Variants in MGAT5B observed in about 807,000 individuals in gnomAD.
MGAT5B encodes alpha-1,6-mannosylglycoprotein 6-beta-N-acetylglucosaminyltransferase B, also known as N-acetylglucosaminyl-transferase Vb.
Under a neutral mutation model 95.1 loss-of-function variants are expected in MGAT5B, and 54 were observed. The ratio of observed to expected loss-of-function variants is 0.57; its 90% CI spans 0.46 to 0.71. The LOEUF (loss-of-function observed/expected upper bound fraction) is 0.71. MGAT5B is among the 30% of genes least tolerant of loss of function. The probability of loss-of-function intolerance (pLI) is 0.00; values close to 1 mark genes in which losing one functional copy is unlikely to be tolerated. For missense variants in MGAT5B, 935 were observed against 1,088.6 expected (o/e 0.86, Z 1.99); for synonymous variants, 464 against 451.0 (o/e 1.03, Z -0.36).
In MGAT5B at chr17:76,905,442, T is replaced by C; in HGVS notation, c.855+109T>C. 2 of 1,010,050 alleles carry C rather than the reference T, an allele frequency of 2.0e-6. No homozygotes were observed. The highest frequency in any genetic ancestry group is 2.8e-6 in the Non-Finnish European group (2 of 716,454). 62.6% of individuals were successfully genotyped at this position (1,010,050 alleles called of 1,614,324 possible). A position where few individuals can be genotyped will look rare whatever the true frequency, so the allele number is the denominator to read the frequency against. On this transcript the variant is annotated intron_variant, in intron 7 of 17. Transcript: ENST00000569840. This position sits in a 1 kb window ranked among gnomAD's most constrained non-coding sequence, Gnocchi z 4.2. ...AACAAGCTGTAGTGGGCTTCTGAAT[T>C]TGATCAGAGGGAGAGAGGGGTAGGG...
In MGAT5B at chr17:76,943,624, G is replaced by GA. The variant is rs1567827242; in HGVS notation, c.1849-2752_1849-2751insA. On this transcript the variant is annotated intron_variant, in intron 15 of 17. Transcript: ENST00000569840. Reference sequence around the variant, plus strand: ...TATTTGAATAGAGATGGGGTGGGGTGGGGGGGGGGTCTCATTTTGTTGCCC... The same window carrying GA: ...TATTTGAATAGAGATGGGGTGGGGTGAGGGGGGGGGTCTCATTTTGTTGCCC... Among the ~76,000 whole-genome samples the GA allele has an allele frequency of 4.1e-4, 42 of 103,654 alleles. 1 individual carries two copies. Among genetic ancestry groups the GA allele is most frequent in the African/African-American group, 2.2e-3 (42 of 18,894 alleles). The allele number at this position is 103,654 out of a possible 152,430, so 68.0% of individuals were successfully genotyped here.
intron 3 of MGAT5B, among the ~76,000 whole-genome samples, chr17:76,898,735 C>T (rs1033520132): frequency 5.3e-5 from 8 of 152,158 alleles, no homozygotes; most frequent in African/African-American, 1.4e-4. Flanking sequence ...TATTTGGTTA[C>T]ATGAGTAAGT....
At chr17:76,882,589 A>G (rs1022840913) in intron 3 of MGAT5B, 9 of 347,256 alleles carry the variant, frequency 2.6e-5, no homozygotes, top group Admixed American at 2.4e-4. Flanking sequence ...AAGTTTTTCC[A>G]GTCCATTCCG....
At chr17:76,872,602 C>CTAAT in intron 1 of MGAT5B, 1 of 1,428,566 alleles carries the variant, frequency 7.0e-7, no homozygotes, top group Non-Finnish European at 9.2e-7. Flanking sequence ...TGCCTCATGC[C>CTAAT]TAAGTGTGCG....
intron 3 of MGAT5B, chr17:76,882,600 A>G (rs1967469936): frequency 3.2e-6 from 1 of 312,252 alleles, no homozygotes; most frequent in East Asian, 5.9e-5. Context: ...GTCCATTCCG[A>G]GCACATTTGC....
rs536533138 is a variant in MGAT5B at position 76,925,107 on chromosome 17, C to T, written c.1157+10C>T. ...CCTTCAAGAAGTACCGGTGAGAGGGCGGCCAGAGGGTGGGCACGTGGCCCA... is the reference window on the plus strand; with the variant it reads ...CCTTCAAGAAGTACCGGTGAGAGGGTGGCCAGAGGGTGGGCACGTGGCCCA... On this transcript the variant is annotated intron_variant, in intron 9 of 17. Coordinates refer to ENST00000569840, the MANE Select transcript of MGAT5B (RefSeq NM_001199172.2). 47 of 1,610,372 alleles carry T rather than the reference C, an allele frequency of 2.9e-5. No individual in the cohort carries two copies. Among genetic ancestry groups the T allele is most frequent in the South Asian group, 2.7e-4 (25 of 90,986 alleles).
chr17:76,910,317 A>G (rs941980004), intron 8 of MGAT5B, among the ~76,000 whole-genome samples: 2 of 152,230 alleles, frequency 1.3e-5, no homozygotes, highest in African/African-American at 4.8e-5. Context: ...AGCCTGGAAT[A>G]TGCATCGATG....
At chr17:76,904,648 G>T (rs1013707455) in intron 6 of MGAT5B, among the ~76,000 whole-genome samples, 2 of 152,264 alleles carry the variant, frequency 1.3e-5, no homozygotes, top group African/African-American at 4.8e-5. Flanking sequence ...GCAGGTGGGG[G>T]GCCTGGAGAT....
At chr17:76,874,078 G>A (rs988269089) in intron 2 of MGAT5B, among the ~76,000 whole-genome samples, 7 of 152,106 alleles carry the variant, frequency 4.6e-5, no homozygotes, top group Non-Finnish European at 7.3e-5. Flanking sequence ...CCCTCAGAAG[G>A]AATCTCACGC....
chr17:76,876,739 C>T (rs368016466), intron 2 of MGAT5B, among the ~76,000 whole-genome samples: 1 of 152,336 alleles, frequency 6.6e-6, no homozygotes, highest in East Asian at 1.9e-4. Flanking sequence ...TGACTGACAT[C>T]TCATTCTGTA....
At chr17:76,939,923 T>C (rs1432745582) in intron 13 of MGAT5B, among the ~76,000 whole-genome samples, 1 of 152,226 alleles carries the variant, frequency 6.6e-6, no homozygotes, top group Non-Finnish European at 1.5e-5. Flanking sequence ...AAGCCACCGT[T>C]AATGGGCACC....
At chr17:76,931,335 G>A (rs1332072224) in intron 10 of MGAT5B, among the ~76,000 whole-genome samples, 1 of 152,224 alleles carries the variant, frequency 6.6e-6, no homozygotes, top group African/African-American at 2.4e-5. Context: ...GACTTCAGGT[G>A]ATCCACCTGC....
rs1382293778 is a variant in MGAT5B at position 76,930,527 on chromosome 17, A to G, written c.1292-2118A>G. Among the ~76,000 whole-genome samples, 2 of 152,140 alleles carry G rather than the reference A, an allele frequency of 1.3e-5. No individual in the cohort carries two copies. Among genetic ancestry groups the G allele is most frequent in the Non-Finnish European group, 2.9e-5 (2 of 68,026 alleles). ...GGTAGATTAAATATCCTTGGACTCAATAAACGGTTTATTCGGGATCCCAGT... is the reference window on the plus strand; with the variant it reads ...GGTAGATTAAATATCCTTGGACTCAGTAAACGGTTTATTCGGGATCCCAGT... On this transcript the variant is annotated intron_variant, in intron 10 of 17. Transcript: ENST00000569840. The surrounding 1 kb of genome is among the most constrained non-coding windows in gnomAD (Gnocchi z 4.1).
chr17:76,881,018 G>T (rs1967390927), intron 2 of MGAT5B, among the ~76,000 whole-genome samples: 1 of 152,146 alleles, frequency 6.6e-6, no homozygotes, highest in South Asian at 2.1e-4. Flanking sequence ...GCTCGTTTTG[G>T]GGGAGTGATT....
Position 76,936,244 on chromosome 17 carries a change from T to C in MGAT5B, c.1429-1744T>C, listed in dbSNP as rs189799157. Among the ~76,000 whole-genome samples the C allele has an allele frequency of 8.2e-3, 1,251 of 152,188 alleles. 6 individuals are homozygous for C. Among genetic ancestry groups the C allele is most frequent in the Non-Finnish European group, 0.011 (782 of 68,008 alleles). ...TAACAAGGTGAAATCCCATCTCTACTAAAAATACAAAAGATTAGCCACGTG... is the reference window on the plus strand; with the variant it reads ...TAACAAGGTGAAATCCCATCTCTACCAAAAATACAAAAGATTAGCCACGTG... On this transcript the variant is annotated intron_variant, in intron 12 of 17. Transcript: ENST00000569840.
At chr17:76,908,811 CT>C (rs138361073) in intron 8 of MGAT5B, among the ~76,000 whole-genome samples, 358 of 140,680 alleles carry the variant, frequency 2.5e-3, no homozygotes, top group Middle Eastern at 7.2e-3. Flanking sequence ...ACTCTGCTAT[CT>C]TTTTTTTTTT....
rs776224034 is a variant in MGAT5B at position 76,938,063 on chromosome 17, C to T, written c.1504C>T (p.Pro502Ser). The change falls in exon 13 of 18, where the codon CCC (proline) becomes TCC (serine). Residue 502 changes from proline to serine, a missense_variant. Transcript: ENST00000569840. This position sits in a 1 kb window ranked among gnomAD's most constrained non-coding sequence, Gnocchi z 4.3. ...HGTVYYESQR[P>S]PEVPAFVKNH... ...CACCGTGTACTACGAGAGCCAGCGG[C>T]CCCCCGAGGTGCCAGCCTTTGTGAA... is the stretch of plus-strand genomic sequence containing the variant. 1.8e-5 allele frequency: 29 copies of T among 1,614,200 alleles called. No individual in the cohort carries two copies. The highest frequency in any genetic ancestry group is 2.5e-5 in the Non-Finnish European group (29 of 1,180,022).
rs765268262 is a variant in MGAT5B, at chr17:76,870,498, C to T, written c.68+1401C>T. ...GCCCCTTCCGACCCCATCCCTGTCCCGCCCTCCGGGCCGCTGGGTGTTTCC... is the reference window on the plus strand; with the variant it reads ...GCCCCTTCCGACCCCATCCCTGTCCTGCCCTCCGGGCCGCTGGGTGTTTCC... On this transcript the variant is annotated intron_variant, in intron 1 of 17. Coordinates refer to ENST00000569840, the MANE Select transcript of MGAT5B (RefSeq NM_001199172.2). The surrounding 1 kb of genome is among the most constrained non-coding windows in gnomAD (Gnocchi z 5.0). 1.3e-5 allele frequency among the ~76,000 whole-genome samples: 2 copies of T among 152,068 alleles called. No individual in the cohort carries two copies. The highest frequency in any genetic ancestry group is 2.1e-4 in the South Asian group (1 of 4,830).
chr17:76,924,959 C>A lies in MGAT5B; in HGVS notation c.1026-7C>A. The A allele has an allele frequency of 6.2e-7, 1 of 1,612,062 alleles. No homozygotes were observed. Among genetic ancestry groups the A allele is most frequent in the East Asian group, 2.2e-5 (1 of 44,784 alleles). On this transcript the variant is annotated splice_region_variant and splice_polypyrimidine_tract_variant and intron_variant, in intron 8 of 17. Transcript: ENST00000569840. ...GGGGCCCAGAATCTGAAGGGCTCTT[C>A]TCTCAGTAACTTAGGGGTACCGCCA...
Sources: gnomAD v4.1 joint callset for allele counts (sites outside exome capture counted in the v4.1 genomes callset) on GRCh38, gnomAD v4.1.1 for gene constraint, Gnocchi (gnomAD v3.1) non-coding constraint, MANE v1.5 for transcripts, NCBI Gene and HGNC (gene_info 2026-07-23, HGNC 2026-07-21) for gene names.